DTWD2: variants seen among roughly 807,000 people sequenced by gnomAD.
The protein encoded by DTWD2 is DTW motif tRNA-uridine aminocarboxypropyltransferase 2, also known as tRNA-uridine aminocarboxypropyltransferase 2.
DTWD2 carries 39 observed loss-of-function variants against 31.8 expected under a neutral mutation model. The ratio of observed to expected loss-of-function variants is 1.22; its 90% CI spans 0.95 to 1.60. DTWD2 has a LOEUF of 1.60. Ranked by LOEUF, DTWD2 falls within the 40% of genes most tolerant of loss-of-function variation. The probability of loss-of-function intolerance (pLI) is 0.00; values close to 1 mark genes in which losing one functional copy is unlikely to be tolerated. For missense variants in DTWD2, 515 were observed against 381.5 expected (o/e 1.35, Z -2.92); for synonymous variants, 180 against 142.8 (o/e 1.26, Z -1.86).
chr5:118,851,084 T>C (rs969920395), intron 4 of DTWD2, among the ~76,000 whole-genome samples: 4 of 151,760 alleles, frequency 2.6e-5, no homozygotes, highest in African/African-American at 9.7e-5. Context: ...CAATCTCTAC[T>C]AAAAATACAA....
At chr5:118,870,494 T>C (rs1752477934) in intron 4 of DTWD2, among the ~76,000 whole-genome samples, 1 of 152,198 alleles carries the variant, frequency 6.6e-6, no homozygotes, top group Non-Finnish European at 1.5e-5. Context: ...GTCACACAAA[T>C]TTTTTGGTTT....
At chr5:118,919,226 A>C (rs1367742724) in intron 4 of DTWD2, among the ~76,000 whole-genome samples, 1 of 152,214 alleles carries the variant, frequency 6.6e-6, no homozygotes, top group East Asian at 1.9e-4. Flanking sequence ...CAAGAGTTGG[A>C]AGCAAAGGAG....
intron 2 of DTWD2, 127 bp downstream of exon 2, chr5:118,944,432 G>C: frequency 1.1e-6 from 1 of 934,382 alleles, no homozygotes; most frequent in East Asian, 2.6e-5. Flanking sequence ...TTCCAAAAGA[G>C]AAAGCATTTA....
chr5:118,872,063 C>G (rs1331901602), intron 4 of DTWD2, among the ~76,000 whole-genome samples: 1 of 152,186 alleles, frequency 6.6e-6, no homozygotes, highest in African/African-American at 2.4e-5. Context: ...ACCTCATGAA[C>G]CAACCACTGA....
intron 1 of DTWD2, among the ~76,000 whole-genome samples, chr5:118,965,446 CG>C (rs1192843456): frequency 3.4e-5 from 4 of 116,552 alleles, no homozygotes; most frequent in Non-Finnish European, 5.3e-5. Flanking sequence ...TCACTGAGAA[CG>C]GGCCATGATG....
At chr5:118,862,426 T>C (rs1752282189) in intron 4 of DTWD2, among the ~76,000 whole-genome samples, 1 of 152,066 alleles carries the variant, frequency 6.6e-6, no homozygotes, top group Non-Finnish European at 1.5e-5. Flanking sequence ...GCAAAAAGAA[T>C]GTTAGAAATA....
chr5:118,846,348 C>A (rs567593866), intron 5 of DTWD2, among the ~76,000 whole-genome samples: 1 of 152,196 alleles, frequency 6.6e-6, no homozygotes, highest in South Asian at 2.1e-4. Context: ...CCATAACCAC[C>A]ACCATTACTA....
At chr5:118,934,153 G>T (rs1249840995) in intron 3 of DTWD2, among the ~76,000 whole-genome samples, 1 of 149,850 alleles carries the variant, frequency 6.7e-6, no homozygotes, top group African/African-American at 2.4e-5. Context: ...AAGCAAAAAG[G>T]ACTGGGCACA....
At chr5:118,854,568 T>G (rs1752087748) in intron 4 of DTWD2, among the ~76,000 whole-genome samples, 1 of 152,080 alleles carries the variant, frequency 6.6e-6, no homozygotes, top group Non-Finnish European at 1.5e-5. Context: ...TATATAGTCA[T>G]ATAAGAAAAG....
At chr5:118,966,142 A>T (rs1004137653) in intron 1 of DTWD2, among the ~76,000 whole-genome samples, 1 of 152,182 alleles carries the variant, frequency 6.6e-6, no homozygotes, top group Admixed American at 6.5e-5. Context: ...GCCCAGAAAA[A>T]TACCTTAATA....
intron 1 of DTWD2, among the ~76,000 whole-genome samples, chr5:118,972,505 C>T (rs1755010052): frequency 6.6e-6 from 1 of 152,054 alleles, no homozygotes; most frequent in Non-Finnish European, 1.5e-5. Context: ...AAAAAGAAAG[C>T]CCAGGAAAGG....
At chr5:118,917,662 G>A (rs1368918578) in intron 4 of DTWD2, among the ~76,000 whole-genome samples, 1 of 152,144 alleles carries the variant, frequency 6.6e-6, no homozygotes, top group Non-Finnish European at 1.5e-5. Flanking sequence ...GCAAAGGGGA[G>A]AAAAACCCCT....
chr5:118,879,141 A>C (rs1368420753), intron 4 of DTWD2, among the ~76,000 whole-genome samples: 3 of 152,214 alleles, frequency 2.0e-5, no homozygotes, highest in Non-Finnish European at 4.4e-5. Context: ...TACTGGCTAT[A>C]TACCCAATGG....
intron 1 of DTWD2, among the ~76,000 whole-genome samples, chr5:118,984,343 C>T (rs1453726104): frequency 6.6e-6 from 1 of 151,414 alleles, no homozygotes; most frequent in South Asian, 2.1e-4. Flanking sequence ...CACCTGTAGT[C>T]CCAGCTACTC....
rs181014542 is a variant in DTWD2, at chr5:118,957,605, T to C, written c.219-12956A>G. On this transcript the variant is annotated intron_variant, in intron 1 of 5. Transcript: ENST00000510708. ...AATATATATCTGTTTTAAATATATA[T>C]ACACATTTGTTTTTCTTTTTGCGAA... Among the ~76,000 whole-genome samples the C allele has an allele frequency of 1.4e-4, 21 of 152,264 alleles. No homozygotes were observed. In the East Asian group the frequency reaches 4.0e-3, roughly 29 times the overall value.
chr5:118,968,842 C>T (rs1369025962), intron 1 of DTWD2, among the ~76,000 whole-genome samples: 1 of 152,228 alleles, frequency 6.6e-6, no homozygotes. Context: ...GCAGGCCCCA[C>T]TCCCATGGCA....
intron 4 of DTWD2, among the ~76,000 whole-genome samples, chr5:118,856,513 G>C (rs1752137408): frequency 1.3e-5 from 2 of 152,118 alleles, no homozygotes; most frequent in African/African-American, 4.8e-5. Context: ...CCTAGGAGTG[G>C]AACTGATTTA....
chr5:118,919,792 C>T (rs1753660576), intron 4 of DTWD2, among the ~76,000 whole-genome samples: 1 of 152,096 alleles, frequency 6.6e-6, no homozygotes, highest in Non-Finnish European at 1.5e-5. Flanking sequence ...AACCAAAGAT[C>T]ATCTCATATT....
At chr5:118,963,612 A>T (rs901257926) in intron 1 of DTWD2, among the ~76,000 whole-genome samples, 3 of 152,200 alleles carry the variant, frequency 2.0e-5, no homozygotes, top group Non-Finnish European at 4.4e-5. Flanking sequence ...ACTTCATTAA[A>T]AGGGAATTGA....
Sources: gnomAD v4.1 joint callset for allele counts (sites outside exome capture counted in the v4.1 genomes callset) on GRCh38, gnomAD v4.1.1 for gene constraint, MANE v1.5 for transcripts, NCBI Gene and HGNC (gene_info 2026-07-23, HGNC 2026-07-21) for gene names.